Variants in ZBTB21 observed in about 807,000 individuals in gnomAD.
The protein encoded by ZBTB21 is zinc finger and BTB domain-containing protein 21.
In ZBTB21, 10 loss-of-function variants were observed where a neutral mutation model predicts 39.8. The observed-to-expected ratio is 0.25, with a 90% CI of 0.16 to 0.43. The LOEUF (loss-of-function observed/expected upper bound fraction) is 0.43, where lower values mean the gene tolerates loss of function less well. Among genes scored for constraint, ZBTB21 ranks in the 20% least tolerant of loss-of-function variants. The pLI is 1.00. For missense variants in ZBTB21, 1,221 were observed against 1,296.3 expected (o/e 0.94, Z 0.89); for synonymous variants, 551 against 498.8 (o/e 1.10, Z -1.40).
chr21:41,992,814 G>T lies in ZBTB21; in HGVS notation c.1282C>A (p.Arg428Ser). The change falls in exon 3 of 3, where the codon CGC (arginine) becomes AGC (serine). Residue 428 changes from arginine (R) to serine (S), a missense_variant. Arg to Ser is a moderately radical substitution (Grantham distance 110). This residue lies in a region of ZBTB21 where 500 missense variants were observed against 465.6 expected (regional missense o/e 1.07). Coordinates refer to ENST00000310826, the MANE Select transcript of ZBTB21 (RefSeq NM_001098402.2). The surrounding 1 kb of genome is among the most constrained non-coding windows in gnomAD (Gnocchi z 4.1). ...GGGCTGCTGGGCTCAGTCTTTATGC[G>T]CACCTCAGTCACAGGGGAAGCTCCC... ...REGASPVTEV[R>S]IKTEPSSPLS... is the part of the protein sequence containing the mutation. 6.2e-7 allele frequency: 1 copy of T among 1,614,036 alleles called. No individual in the cohort carries two copies. The highest frequency in any genetic ancestry group is 8.5e-7 in the Non-Finnish European group (1 of 1,180,016).
At position 41,992,754 on chromosome 21, in the gene ZBTB21, C is replaced by A; in HGVS notation, c.1342G>T (p.Val448Leu). 6.2e-7 allele frequency: 1 copy of A among 1,614,168 alleles called. No homozygotes were observed. Among genetic ancestry groups the A allele is most frequent in the Non-Finnish European group, 8.5e-7 (1 of 1,180,050 alleles). The change falls in exon 3 of 3, where the codon GTG becomes TTG. Residue 448 changes from valine (V) to leucine (L), a missense_variant. Coordinates refer to ENST00000310826, the MANE Select transcript of ZBTB21 (RefSeq NM_001098402.2). This position sits in a 1 kb window ranked among gnomAD's most constrained non-coding sequence, Gnocchi z 4.1. ...SDPSDIIRVT[V>L]GDAATTAAAS... is the part of the protein sequence containing the mutation. ...GCTGCTGTTGTTGCCGCATCTCCCA[C>A]AGTGACGCGGATGATGTCCGAGGGG...
chr21:42,008,771 A>G (rs1011213495), intron 1 of ZBTB21, among the ~76,000 whole-genome samples: 3 of 152,150 alleles, frequency 2.0e-5, no homozygotes, highest in Non-Finnish European at 2.9e-5. Flanking sequence ...TACTTTCAAT[A>G]AAGTGTTAAA....
intron 2 of ZBTB21, among the ~76,000 whole-genome samples, chr21:41,997,161 A>T (rs1027363864): frequency 6.6e-6 from 1 of 152,140 alleles, no homozygotes; most frequent in African/African-American, 2.4e-5. Context: ...GGCTCAAGAG[A>T]TCCTCCTGCT....
At position 41,992,136 on chromosome 21, in the gene ZBTB21, C is replaced by T. The variant is rs1315614436; in HGVS notation, c.1960G>A (p.Ala654Thr). 1 of 1,614,052 alleles carries T rather than the reference C, an allele frequency of 6.2e-7. No homozygotes were observed. The highest frequency in any genetic ancestry group is 1.3e-5 in the African/African-American group (1 of 74,922). The change falls in exon 3 of 3, where the codon GCA (alanine) becomes ACA (threonine). Residue 654 changes from alanine to threonine, a missense_variant. Transcript: ENST00000310826. The surrounding 1 kb of genome is among the most constrained non-coding windows in gnomAD (Gnocchi z 4.1). ...PGFQGQSSSQ[A>T]QQVIKRNLRS... The stretch of plus-strand genomic sequence containing the variant: ...AAGTTCCTCTTGATGACTTGCTGTG[C>T]TTGGGAGCTACTCTGTCCCTGAAAA...
rs567599231 is a variant in ZBTB21 at position 41,992,713 on chromosome 21, C to T, written c.1383G>A (p.Ser461=). 27 of 1,614,096 alleles carry T rather than the reference C, an allele frequency of 1.7e-5. No homozygotes were observed. Among genetic ancestry groups the T allele is most frequent in the Admixed American group, 8.3e-5 (5 of 60,014 alleles). Reference sequence around the variant, plus strand: ...TTTTCAGAGACAGGTCTCTTGTGACCGACGAAGATGAGGCAGCTGCTGTTG... The same window carrying T: ...TTTTCAGAGACAGGTCTCTTGTGACTGACGAAGATGAGGCAGCTGCTGTTG... ...AATTAAASSS[S]VTRDLSLKTE... Residue 461 remains serine (S), a synonymous_variant, in exon 3 of 3, where the codon TCG becomes TCA. Coordinates refer to ENST00000310826, the MANE Select transcript of ZBTB21 (RefSeq NM_001098402.2). This position sits in a 1 kb window ranked among gnomAD's most constrained non-coding sequence, Gnocchi z 4.1.
In ZBTB21 at chr21:41,993,097, G is replaced by A. The variant is rs753746294; in HGVS notation, c.999C>T (p.Gly333=). The change falls in exon 3 of 3, where the codon GGC becomes GGT. Residue 333 remains glycine (G), a synonymous_variant. Transcript: ENST00000310826. ...GSGNQSIDRS[G]PLVKSLLRRS... is the part of the protein sequence containing the mutation. Reference sequence around the variant, plus strand: ...GTCTGAGGAGACTCTTAACAAGTGGGCCACTCCTGTCAATGCTTTGGTTTC... The same window carrying A: ...GTCTGAGGAGACTCTTAACAAGTGGACCACTCCTGTCAATGCTTTGGTTTC... The A allele has an allele frequency of 6.2e-7, 1 of 1,614,200 alleles. No homozygotes were observed. The highest frequency in any genetic ancestry group is 1.7e-5 in the Admixed American group (1 of 60,022).
chr21:41,992,462 T>A lies in ZBTB21; in HGVS notation c.1634A>T (p.Lys545Ile), dbSNP rs2065675206. The part of the protein sequence containing the change: ...GELEGTRPNK[K>I]FKCKHCLKIF... ...CTTAAGGCAATGTTTGCATTTAAAT[T>A]TTTTGTTTGGTCTCGTCCCCTCCAA... The change falls in exon 3 of 3, where the codon AAA (lysine) becomes ATA (isoleucine). Residue 545 changes from lysine (K) to isoleucine (I), a missense_variant. By Grantham distance (102) the Lys-to-Ile change is moderately radical. Transcript: ENST00000310826. This position sits in a 1 kb window ranked among gnomAD's most constrained non-coding sequence, Gnocchi z 4.1. 1 of 1,614,048 alleles carries A rather than the reference T, an allele frequency of 6.2e-7. No homozygotes were observed. Among genetic ancestry groups the A allele is most frequent in the Middle Eastern group, 1.6e-4 (1 of 6,062 alleles).
Position 41,990,221 on chromosome 21 carries a change from T to TA in ZBTB21, c.*673dup, listed in dbSNP as rs2065632477. On this transcript the variant is annotated 3_prime_UTR_variant, in exon 3 of 3. Coordinates refer to ENST00000310826, the MANE Select transcript of ZBTB21 (RefSeq NM_001098402.2). ...TTGTTTTCATTTCCCAGGTCTTCCT[T>TA]AGAGTTTAACTATCATTTATTATAT... The TA allele has an allele frequency of 6.6e-6, 1 of 152,620 alleles. No individual in the cohort carries two copies. Among genetic ancestry groups the TA allele is most frequent in the South Asian group, 2.1e-4 (1 of 4,826 alleles). 9.5% of individuals were successfully genotyped at this position (152,620 alleles called of 1,614,324 possible). A position where few individuals can be genotyped will look rare whatever the true frequency, so the allele number is the denominator to read the frequency against.
intron 2 of ZBTB21, among the ~76,000 whole-genome samples, chr21:41,999,716 C>A (rs2065794932): frequency 6.6e-6 from 1 of 151,990 alleles, no homozygotes; most frequent in African/African-American, 2.4e-5. Flanking sequence ...AGGGATGAGC[C>A]ATGGAGATAA....
At chr21:41,999,718 T>C (rs911377537) in intron 2 of ZBTB21, among the ~76,000 whole-genome samples, 2 of 151,992 alleles carry the variant, frequency 1.3e-5, no homozygotes, top group African/African-American at 2.4e-5. Flanking sequence ...GGATGAGCCA[T>C]GGAGATAAAT....
chr21:41,995,184 C>G (rs1304322888), intron 2 of ZBTB21, among the ~76,000 whole-genome samples: 3 of 152,192 alleles, frequency 2.0e-5, no homozygotes, highest in African/African-American at 7.2e-5. Flanking sequence ...GACTTTGGAA[C>G]TGGGTAACAG....
intron 1 of ZBTB21, among the ~76,000 whole-genome samples, chr21:42,005,055 T>C (rs2065863057): frequency 6.6e-6 from 1 of 152,236 alleles, no homozygotes; most frequent in African/African-American, 2.4e-5. Flanking sequence ...TTTCAGTCTC[T>C]AACAAGGGGG....
intron 2 of ZBTB21, among the ~76,000 whole-genome samples, chr21:41,997,898 TTC>T (rs767518898): frequency 1.3e-5 from 2 of 152,042 alleles, no homozygotes; most frequent in African/African-American, 2.4e-5. Context: ...CCTTGGGTGT[TTC>T]TGTTAGCCTC....
At position 41,991,672 on chromosome 21, in the gene ZBTB21, G is replaced by A. The variant is rs778668120; in HGVS notation, c.2424C>T (p.Asn808=). ...HNQNNMAPTE[N]FSLPVLDHNG... is the part of the protein sequence containing the mutation. ...TGTGGTCCAAAACGGGCAAAGAAAA[G>A]TTTTCGGTGGGTGCCATGTTGTTCT... Residue 808 remains asparagine (N), a synonymous_variant, in exon 3 of 3, where the codon AAC becomes AAT. Coordinates refer to ENST00000310826, the MANE Select transcript of ZBTB21 (RefSeq NM_001098402.2). The surrounding 1 kb of genome is among the most constrained non-coding windows in gnomAD (Gnocchi z 4.9). The A allele has an allele frequency of 1.2e-6, 2 of 1,614,204 alleles. No homozygotes were observed. The highest frequency in any genetic ancestry group is 1.1e-5 in the South Asian group (1 of 91,080).
rs987609437 is a variant in ZBTB21 at position 41,989,606 on chromosome 21, T to C, written c.*1289A>G. On this transcript the variant is annotated 3_prime_UTR_variant, in exon 3 of 3. Transcript: ENST00000310826. ...CAATTACAAATTATACATAGTATTC[T>C]TTGAAAAGCCCAAAACCCATGGAGC... 6 of 152,172 alleles carry C rather than the reference T, an allele frequency of 3.9e-5. No individual in the cohort carries two copies. The highest frequency in any genetic ancestry group is 7.4e-5 in the Non-Finnish European group (5 of 68,004). 9.4% of individuals were successfully genotyped at this position (152,172 alleles called of 1,614,324 possible).
At position 41,995,331 on chromosome 21, in the gene ZBTB21, A is replaced by G. The variant is rs150879462; in HGVS notation, c.-13-1223T>C. 2.5e-3 allele frequency among the ~76,000 whole-genome samples: 381 copies of G among 152,328 alleles called. 4 individuals are homozygous for G. The highest frequency in any genetic ancestry group is 8.8e-3 in the African/African-American group (366 of 41,562). ...CAGACAATGAAATCCAGGCTGAGGT[A>G]GTCTCAGATGGAGATGAGGAACTTG... On this transcript the variant is annotated intron_variant, in intron 2 of 2. Transcript: ENST00000310826.
rs1396918167 is a variant in ZBTB21 at position 42,010,290 on chromosome 21, G to A, written c.-117C>T. The stretch of plus-strand genomic sequence containing the variant: ...CGAGGCAGACGCCGGGCCCCTTTCC[G>A]CTCACACTCGGCTCGCGCGCGCCGC... On this transcript the variant is annotated 5_prime_UTR_variant, in exon 1 of 3. Coordinates refer to ENST00000310826, the MANE Select transcript of ZBTB21 (RefSeq NM_001098402.2). The A allele has an allele frequency of 7.5e-6, 3 of 398,460 alleles. No individual in the cohort carries two copies. The highest frequency in any genetic ancestry group is 2.1e-5 in the African/African-American group (1 of 48,620). The allele number at this position is 398,460 out of a possible 1,614,324, so 24.7% of individuals were successfully genotyped here.
intron 1 of ZBTB21, among the ~76,000 whole-genome samples, chr21:42,007,357 T>C (rs192026810): frequency 7.5e-4 from 115 of 152,354 alleles, no homozygotes; most frequent in African/African-American, 2.5e-3. Context: ...CTGATTTTTC[T>C]ATTCCTAAAG....
intron 2 of ZBTB21, among the ~76,000 whole-genome samples, chr21:42,001,222 C>T (rs2065813722): frequency 6.6e-6 from 1 of 152,186 alleles, no homozygotes; most frequent in Non-Finnish European, 1.5e-5. Context: ...GACACTGCCT[C>T]TAGTTTCCTC....
Sources: allele counts gnomAD v4.1 joint callset (sites outside exome capture counted in the v4.1 genomes callset), GRCh38; gene constraint gnomAD v4.1.1; regional missense constraint gnomAD v4.1.1; non-coding constraint Gnocchi (gnomAD v3.1); transcripts MANE v1.5; gene names NCBI Gene and HGNC (gene_info 2026-07-23, HGNC 2026-07-21).